The following CDK14 variants were observed in gnomAD, a reference collection of about 807,000 sequenced individuals.
CDK14 encodes cyclin dependent kinase 14.
Under a neutral mutation model 60.7 loss-of-function variants are expected in CDK14, and 34 were observed. The ratio of observed to expected loss-of-function variants is 0.56; its 90% CI spans 0.43 to 0.75. CDK14 has a LOEUF of 0.75. Among genes scored for constraint, CDK14 ranks in the 30% least tolerant of loss-of-function variants. The pLI, the probability that CDK14 is intolerant of heterozygous loss-of-function variation, is 0.00. For missense variants in CDK14, 482 were observed against 564.1 expected (o/e 0.85, Z 1.47); for synonymous variants, 197 against 203.7 (o/e 0.97, Z 0.28).
chr7:90,669,867 T>C (rs1801062714), intron 2 of CDK14, among the ~76,000 whole-genome samples: 1 of 152,096 alleles, frequency 6.6e-6, no homozygotes, highest in Admixed American at 6.5e-5. Flanking sequence ...AATGCAAGAA[T>C]TGATATAGAA....
At chr7:91,112,477 C>T in intron 12 of CDK14, 65 bp from the exon 13 acceptor site, 5 of 1,532,460 alleles carry the variant, frequency 3.3e-6, no homozygotes, top group Non-Finnish European at 4.4e-6. Context: ...ATTAGGTAAG[C>T]TTTATGTCTT....
intron 12 of CDK14, among the ~76,000 whole-genome samples, chr7:91,081,577 T>C (rs1798484750): frequency 6.6e-6 from 1 of 152,180 alleles, no homozygotes; most frequent in Admixed American, 6.5e-5. Context: ...ACCTAGGTAT[T>C]GAAGCTAGTG....
intron 2 of CDK14, among the ~76,000 whole-genome samples, chr7:90,692,272 A>C (rs1801568524): frequency 6.6e-6 from 1 of 152,188 alleles, no homozygotes; most frequent in Non-Finnish European, 1.5e-5. Context: ...TTTGGTTTTC[A>C]GACAGATATA....
intron 13 of CDK14, among the ~76,000 whole-genome samples, chr7:91,116,111 A>G (rs1468277993): frequency 6.6e-6 from 1 of 152,238 alleles, no homozygotes; most frequent in African/African-American, 2.4e-5. Context: ...CTGATTTAGA[A>G]GAAATTCATT....
chr7:90,630,563 T>C (rs897209376), intron 2 of CDK14, among the ~76,000 whole-genome samples: 2 of 152,210 alleles, frequency 1.3e-5, no homozygotes, highest in Non-Finnish European at 1.5e-5. Context: ...CTTTGACTTA[T>C]TAGCAACATT....
chr7:90,683,992 A>G (rs1801378688), intron 2 of CDK14, among the ~76,000 whole-genome samples: 1 of 152,114 alleles, frequency 6.6e-6, no homozygotes, highest in Admixed American at 6.5e-5. Context: ...GCATGTGCAC[A>G]TACATATTTT....
intron 4 of CDK14, among the ~76,000 whole-genome samples, chr7:90,783,947 C>G (rs928364980): frequency 6.6e-6 from 1 of 152,088 alleles, no homozygotes; most frequent in Non-Finnish European, 1.5e-5. Flanking sequence ...GAAAGGAAAT[C>G]AATATGTGGA....
rs1796045487 is a variant in CDK14, at chr7:91,008,157, A to AAAAAAAAAT, written c.1041+23918_1041+23919insAAAAAATAA. Among the ~76,000 whole-genome samples the AAAAAAAAAT allele has an allele frequency of 1.3e-5, 2 of 151,046 alleles. 1 individual carries two copies. ...AAAAAAAAAAAAAACAAACAAAAAA[A>AAAAAAAAAT]AACAGTGGATGGTGGAGGCAGCATT... On this transcript the variant is annotated intron_variant, in intron 10 of 14. Coordinates refer to ENST00000380050, the MANE Select transcript of CDK14 (RefSeq NM_001287135.2).
At chr7:90,736,344 GTTTTTGTTTTT>G (rs1408087725) in intron 3 of CDK14, among the ~76,000 whole-genome samples, 6 of 41,034 alleles carry the variant, frequency 1.5e-4, no homozygotes, top group South Asian at 1.0e-3. Flanking sequence ...ACTTTATTAT[GTTTTTGTTTTT>G]TTTTTTTTTT....
intron 14 of CDK14, among the ~76,000 whole-genome samples, chr7:91,169,980 A>C (rs1258717823): frequency 6.6e-6 from 1 of 152,206 alleles, no homozygotes; most frequent in Admixed American, 6.5e-5. Flanking sequence ...ATCTTTTGTC[A>C]AGCTGTCAGG....
Position 91,203,888 on chromosome 7 carries a change from A to G in CDK14, c.*29-3277A>G, listed in dbSNP as rs1001227540. Among the ~76,000 whole-genome samples, 6 of 152,324 alleles carry G rather than the reference A, an allele frequency of 3.9e-5. No individual in the cohort carries two copies. In the East Asian group the frequency reaches 1.2e-3, roughly 29 times the overall value. On this transcript the variant is annotated intron_variant, in intron 14 of 14. Coordinates refer to ENST00000380050, the MANE Select transcript of CDK14 (RefSeq NM_001287135.2). ...TCCTCAAAAAGATGCCAGTGCCTAG[A>G]TCAGAATGCATAGTTACATGGAGCA...
At chr7:90,817,251 G>T (rs1286981652) in intron 5 of CDK14, among the ~76,000 whole-genome samples, 3 of 152,162 alleles carry the variant, frequency 2.0e-5, no homozygotes, top group Non-Finnish European at 2.9e-5. Flanking sequence ...GGAAATTTTA[G>T]TATGGGTCAT....
chr7:91,101,252 A>C (rs148079237), intron 12 of CDK14, among the ~76,000 whole-genome samples: 229 of 152,328 alleles, frequency 1.5e-3, no homozygotes, highest in African/African-American at 5.3e-3. Context: ...ATGGCATGCA[A>C]TGGACACTAA....
intron 10 of CDK14, among the ~76,000 whole-genome samples, chr7:91,031,481 T>A (rs1044500177): frequency 6.6e-6 from 1 of 152,040 alleles, no homozygotes; most frequent in Non-Finnish European, 1.5e-5. Flanking sequence ...ATAATTAATA[T>A]TATTTTATAA....
At chr7:90,686,801 G>T (rs1320633596) in intron 2 of CDK14, among the ~76,000 whole-genome samples, 1 of 152,124 alleles carries the variant, frequency 6.6e-6, no homozygotes, top group Non-Finnish European at 1.5e-5. Context: ...GATTTGTTGG[G>T]AGAATCAATG....
intron 5 of CDK14, among the ~76,000 whole-genome samples, chr7:90,805,622 G>T (rs1377639991): frequency 6.6e-6 from 1 of 151,836 alleles, no homozygotes; most frequent in East Asian, 1.9e-4. Context: ...TTGATGGAAA[G>T]AAATAAAGGA....
At chr7:90,789,337 T>C (rs962867183) in intron 4 of CDK14, among the ~76,000 whole-genome samples, 3 of 152,136 alleles carry the variant, frequency 2.0e-5, no homozygotes, top group Non-Finnish European at 4.4e-5. Context: ...TACCACTATT[T>C]GTGTATGTGT....
chr7:91,177,631 C>T (rs1407821316), intron 14 of CDK14, among the ~76,000 whole-genome samples: 39 of 151,732 alleles, frequency 2.6e-4, no homozygotes, highest in East Asian at 7.8e-4. Context: ...ACAAAATCAA[C>T]GTACAAAAAT....
At chr7:91,059,736 G>C (rs929745857) in intron 11 of CDK14, among the ~76,000 whole-genome samples, 15 of 152,152 alleles carry the variant, frequency 9.9e-5, no homozygotes, top group African/African-American at 3.1e-4. Context: ...TCTGAATCCT[G>C]AGTTCTAGTT....
Sources: gnomAD v4.1 joint callset for allele counts (sites outside exome capture counted in the v4.1 genomes callset) on GRCh38, gnomAD v4.1.1 for gene constraint, MANE v1.5 for transcripts, NCBI Gene and HGNC (gene_info 2026-07-23, HGNC 2026-07-21) for gene names.